SPPL2A: variants seen among roughly 807,000 people sequenced by gnomAD.
SPPL2A encodes signal peptide peptidase like 2A, also known as signal peptide peptidase-like 2A.
SPPL2A carries 51 observed loss-of-function variants against 63.8 expected under a neutral mutation model. That is an observed-to-expected ratio of 0.80 (90% CI 0.64 to 1.01). SPPL2A has a LOEUF of 1.01. SPPL2A is among the 50% of genes least tolerant of loss of function. The pLI, the probability that SPPL2A is intolerant of heterozygous loss-of-function variation, is 0.00. For synonymous variants in SPPL2A, 188 were observed against 205.8 expected, an observed-to-expected ratio of 0.91 and a Z score of 0.74; for missense variants, 553 against 622.7, an observed-to-expected ratio of 0.89 and a Z score of 1.19.
intron 14 of SPPL2A, among the ~76,000 whole-genome samples, chr15:50,710,268 G>A (rs955707127): frequency 6.6e-6 from 1 of 152,050 alleles, no homozygotes; most frequent in South Asian, 2.1e-4. Context: ...CTGGTGCCTC[G>A]TTAGCACAGT....
chr15:50,713,463 C>T (rs1235407011), intron 14 of SPPL2A, among the ~76,000 whole-genome samples: 2 of 151,930 alleles, frequency 1.3e-5, no homozygotes, highest in Admixed American at 1.3e-4. Context: ...CAGGGTTTTA[C>T]CATATTGGTC....
intron 1 of SPPL2A, among the ~76,000 whole-genome samples, chr15:50,765,167 T>A (rs1431650820): frequency 1.3e-5 from 2 of 151,704 alleles, no homozygotes; most frequent in Non-Finnish European, 2.9e-5. Flanking sequence ...TCGAGAAGCA[T>A]CAAGGTCAAC....
At position 50,739,842 on chromosome 15, in the gene SPPL2A, C is replaced by T. The variant is rs1040225288; in HGVS notation, c.585-14G>A. On this transcript the variant is annotated splice_polypyrimidine_tract_variant and intron_variant, in intron 5 of 14. Transcript: ENST00000261854. ...TTCAAGTTTTCCCTGTACAAACACA[C>T]AGGAACTTTAGCAAATCTTAGCCAA... 5.1e-6 allele frequency: 8 copies of T among 1,571,194 alleles called. No homozygotes were observed. The African/African-American group carries it at 8.3e-5, about 16-fold the overall frequency.
chr15:50,718,927 G>A (rs550283152), intron 14 of SPPL2A, among the ~76,000 whole-genome samples: 2 of 152,256 alleles, frequency 1.3e-5, no homozygotes, highest in African/African-American at 4.8e-5. Context: ...AGTGGTAGTT[G>A]TAATAGGGGA....
chr15:50,740,442 A>AG (rs2062810776), intron 5 of SPPL2A, among the ~76,000 whole-genome samples: 8 of 149,008 alleles, frequency 5.4e-5, no homozygotes, highest in African/African-American at 9.7e-5. Flanking sequence ...AAAAAAAAAA[A>AG]AAAGAAAAAA....
At chr15:50,760,203 C>G (rs569836818) in intron 1 of SPPL2A, among the ~76,000 whole-genome samples, 30 of 152,204 alleles carry the variant, frequency 2.0e-4, no homozygotes, top group African/African-American at 6.5e-4. Context: ...TTATAGATAG[C>G]TACCTTCTCA....
Position 50,731,547 on chromosome 15 carries a change from G to GA in SPPL2A, c.1015-509dup, listed in dbSNP as rs796167379. On this transcript the variant is annotated intron_variant, in intron 9 of 14. Transcript: ENST00000261854. ...GGTGACAGAGTGAAACTCTGTCTTG[G>GA]AAAAAAAAAAAGAAGAAATGTGCTT... Among the ~76,000 whole-genome samples the GA allele has an allele frequency of 3.8e-3, 534 of 142,212 alleles. 5 individuals carry two copies. The highest frequency in any genetic ancestry group is 0.012 in the African/African-American group (468 of 38,948). The allele number at this position is 142,212 out of a possible 152,430, so 93.3% of individuals were successfully genotyped here.
rs1487982130 is a variant in SPPL2A, at chr15:50,707,185, C to G, written c.*615G>C. 1.3e-5 allele frequency: 2 copies of G among 152,164 alleles called. No individual in the cohort carries two copies. The highest frequency in any genetic ancestry group is 2.1e-4 in the South Asian group (1 of 4,834). The allele number at this position is 152,164 out of a possible 1,614,324, so 9.4% of individuals were successfully genotyped here. ...CCAGGCTGGAGTGCAGTGGCGTGATCTTGGCTCACTGCAAGCTCCACTTCC... is the reference window on the plus strand; with the variant it reads ...CCAGGCTGGAGTGCAGTGGCGTGATGTTGGCTCACTGCAAGCTCCACTTCC... On this transcript the variant is annotated 3_prime_UTR_variant, in exon 15 of 15. Coordinates refer to ENST00000261854, the MANE Select transcript of SPPL2A (RefSeq NM_032802.4).
chr15:50,721,469 C>T (rs1248799858), intron 13 of SPPL2A, among the ~76,000 whole-genome samples: 3 of 149,630 alleles, frequency 2.0e-5, no homozygotes, highest in South Asian at 2.1e-4. Flanking sequence ...CTCAATCTTT[C>T]GCCCAGGCTA....
intron 14 of SPPL2A, among the ~76,000 whole-genome samples, chr15:50,711,271 G>A (rs1429533883): frequency 6.7e-6 from 1 of 148,408 alleles, no homozygotes; most frequent in Non-Finnish European, 1.5e-5. Context: ...GTGCAATGGC[G>A]CGATCTCGGC....
intron 12 of SPPL2A, among the ~76,000 whole-genome samples, chr15:50,722,858 A>G (rs912124383): frequency 6.6e-6 from 1 of 152,218 alleles, no homozygotes; most frequent in African/African-American, 2.4e-5. Context: ...ACAGTCAACA[A>G]AGTGAAGAAA....
intron 12 of SPPL2A, among the ~76,000 whole-genome samples, chr15:50,722,540 T>G (rs1245710529): frequency 6.6e-6 from 1 of 152,128 alleles, no homozygotes; most frequent in Non-Finnish European, 1.5e-5. Flanking sequence ...CACTGCAACC[T>G]CTGCCTCCCG....
chr15:50,725,468 G>C (rs1289543463), intron 11 of SPPL2A, 145 bp from the exon 12 acceptor site: 1 of 565,512 alleles, frequency 1.8e-6, no homozygotes, highest in African/African-American at 1.9e-5. Flanking sequence ...CGCCCAAGTG[G>C]AGTGCAGTGG....
chr15:50,749,905 G>A (rs533174237), intron 1 of SPPL2A, 159 bp from the exon 2 acceptor site: 3 of 610,932 alleles, frequency 4.9e-6, no homozygotes, highest in Admixed American at 2.8e-5. Flanking sequence ...TAAAAAGGAT[G>A]GTTAGGAATA....
intron 12 of SPPL2A, 90 bp from the exon 13 acceptor site, chr15:50,722,291 A>G: frequency 1.4e-6 from 1 of 722,580 alleles, no homozygotes; most frequent in Non-Finnish European, 2.4e-6. Context: ...GTTATATTGA[A>G]TCTTCATTGT....
intron 9 of SPPL2A, among the ~76,000 whole-genome samples, chr15:50,731,358 C>G (rs1193447748): frequency 6.6e-6 from 1 of 151,842 alleles, no homozygotes; most frequent in Non-Finnish European, 1.5e-5. Flanking sequence ...CCAGCCTGGC[C>G]AACATGGTGA....
At chr15:50,745,075 A>G (rs1450090046) in intron 5 of SPPL2A, among the ~76,000 whole-genome samples, 5 of 152,200 alleles carry the variant, frequency 3.3e-5, no homozygotes, top group Admixed American at 2.0e-4. Context: ...CAAACAATGC[A>G]GTTTGTGGCT....
chr15:50,717,968 G>GTTTTTTT (rs57049574), intron 14 of SPPL2A, among the ~76,000 whole-genome samples: 24 of 91,660 alleles, frequency 2.6e-4, no homozygotes, highest in Non-Finnish European at 3.5e-4. Flanking sequence ...TGTAACTTTC[G>GTTTTTTT]TTTTTTTTTT....
chr15:50,739,748 G>A lies in SPPL2A; in HGVS notation c.665C>T (p.Thr222Ile). The A allele has an allele frequency of 6.3e-7, 1 of 1,598,782 alleles. No homozygotes were observed. Among genetic ancestry groups the A allele is most frequent in the Non-Finnish European group, 8.5e-7 (1 of 1,172,266 alleles). The change falls in exon 6 of 15, where the codon ACA (threonine) becomes ATA (isoleucine). Residue 222 changes from threonine to isoleucine, a missense_variant. Thr to Ile is a moderately conservative substitution (Grantham distance 89). Coordinates refer to ENST00000261854, the MANE Select transcript of SPPL2A (RefSeq NM_032802.4). ...KEEYLTFSPL[T>I]VVIFVVICCV... ...GCAGATGACCACAAATATTACAACTGTAAGAGGACTAAAAGTTAAATATTC... is the reference window on the plus strand; with the variant it reads ...GCAGATGACCACAAATATTACAACTATAAGAGGACTAAAAGTTAAATATTC...
Sources: gnomAD v4.1 joint callset for allele counts (sites outside exome capture counted in the v4.1 genomes callset) on GRCh38, gnomAD v4.1.1 for gene constraint, MANE v1.5 for transcripts, NCBI Gene and HGNC (gene_info 2026-07-23, HGNC 2026-07-21) for gene names.